The following GRID2 variants were observed in gnomAD, a reference collection of about 807,000 sequenced individuals.
The protein encoded by GRID2 is glutamate receptor ionotropic, delta-2.
A neutral mutation model predicts 114.8 loss-of-function variants in GRID2; 33 were observed. The observed-to-expected ratio is 0.29, with a 90% confidence interval of 0.22 to 0.38. GRID2 has a LOEUF of 0.38. Ranked by LOEUF, GRID2 falls within the 10% of genes least tolerant of loss-of-function variation. The pLI, the probability that GRID2 is intolerant of heterozygous loss-of-function variation, is 1.00. For missense variants in GRID2, 1,184 were observed against 1,257.7 expected (o/e 0.94, Z 0.89); for synonymous variants, 505 against 449.9 (o/e 1.12, Z -1.55).
rs116058032 is a variant in GRID2, at chr4:92,530,526, G to A, written c.89-59605G>A. Among the ~76,000 whole-genome samples, 824 of 101,598 alleles carry A rather than the reference G, an allele frequency of 8.1e-3. 8 individuals are homozygous for A. The highest frequency in any genetic ancestry group is 0.029 in the African/African-American group (737 of 25,146). 66.7% of individuals were successfully genotyped at this position (101,598 alleles called of 152,430 possible). A position where few individuals can be genotyped will look rare whatever the true frequency, so the allele number is the denominator to read the frequency against. ...TAGTACAGAAAAAAAAAAAAAAAAA[G>A]AGAGACTTCCGAGACACGAGAATCA... On this transcript the variant is annotated intron_variant, in intron 1 of 15. Transcript: ENST00000282020.
chr4:93,164,508 C>A (rs1253724941), intron 4 of GRID2, among the ~76,000 whole-genome samples: 2 of 151,964 alleles, frequency 1.3e-5, no homozygotes, highest in Non-Finnish European at 2.9e-5. Flanking sequence ...GAAACAAAAC[C>A]AGGACCTTTA....
chr4:93,012,644 C>A (rs1691517604), intron 2 of GRID2, among the ~76,000 whole-genome samples: 1 of 149,352 alleles, frequency 6.7e-6, no homozygotes, highest in African/African-American at 2.5e-5. Flanking sequence ...AGAGACTGTA[C>A]TAATAAAAAG....
intron 2 of GRID2, among the ~76,000 whole-genome samples, chr4:93,064,766 A>G (rs183604075): frequency 8.4e-4 from 128 of 151,990 alleles, no homozygotes; most frequent in African/African-American, 3.0e-3. Context: ...CTGCATCCCA[A>G]ATAGTTGGTG....
At chr4:92,941,704 T>G (rs1380044849) in intron 2 of GRID2, among the ~76,000 whole-genome samples, 3 of 152,182 alleles carry the variant, frequency 2.0e-5, no homozygotes, top group African/African-American at 7.2e-5. Context: ...TTGTGGGCAT[T>G]GAGTGCTGCA....
At chr4:92,971,826 A>G (rs1351073790) in intron 2 of GRID2, among the ~76,000 whole-genome samples, 1 of 152,058 alleles carries the variant, frequency 6.6e-6, no homozygotes, top group Non-Finnish European at 1.5e-5. Context: ...TTTCACTTAT[A>G]TAATGTCCTC....
rs1339114024 is a variant in GRID2 at position 92,394,535 on chromosome 4, C to T, written c.88+89791C>T. Reference sequence around the variant, plus strand: ...GTTACAATGCTTATATCATTCTCTACTTATATTTTAATTAGAAGAATGTAA... The same window carrying T: ...GTTACAATGCTTATATCATTCTCTATTTATATTTTAATTAGAAGAATGTAA... On this transcript the variant is annotated intron_variant, in intron 1 of 15. Coordinates refer to ENST00000282020, the MANE Select transcript of GRID2 (RefSeq NM_001510.4). Among the ~76,000 whole-genome samples the T allele has an allele frequency of 2.0e-5, 3 of 152,008 alleles. No homozygotes were observed. The East Asian group carries it at 5.8e-4, about 29-fold the overall frequency.
chr4:92,583,793 T>C (rs963111505), intron 1 of GRID2, among the ~76,000 whole-genome samples: 3 of 150,326 alleles, frequency 2.0e-5, no homozygotes, highest in African/African-American at 4.9e-5. Context: ...AATATATATG[T>C]GAGTATGTAA....
intron 14 of GRID2, among the ~76,000 whole-genome samples, chr4:93,728,066 A>T (rs529621997): frequency 1.3e-5 from 2 of 151,960 alleles, no homozygotes; most frequent in African/African-American, 2.4e-5. Context: ...TAGTTCTTTT[A>T]ATTGTGATGT....
chr4:92,345,754 G>T lies in GRID2; in HGVS notation c.88+41010G>T, dbSNP rs367555821. Among the ~76,000 whole-genome samples, 99 of 152,132 alleles carry T rather than the reference G, an allele frequency of 6.5e-4. 1 individual carries two copies. In the South Asian group the frequency reaches 0.012, roughly 18 times the overall value. On this transcript the variant is annotated intron_variant, in intron 1 of 15. Transcript: ENST00000282020. ...TTCTGCTTATTTAAAGATGAAAAAAGCCCCCAATACTTTTTTGACCATCAC... is the reference window on the plus strand; with the variant it reads ...TTCTGCTTATTTAAAGATGAAAAAATCCCCCAATACTTTTTTGACCATCAC...
intron 2 of GRID2, among the ~76,000 whole-genome samples, chr4:92,839,253 C>A (rs976031761): frequency 1.3e-5 from 2 of 151,150 alleles, no homozygotes; most frequent in African/African-American, 4.9e-5. Flanking sequence ...TTATTTCATA[C>A]TGTGTGTTGT....
intron 10 of GRID2, among the ~76,000 whole-genome samples, chr4:93,439,360 G>A (rs1721408271): frequency 1.3e-5 from 2 of 151,992 alleles, no homozygotes; most frequent in African/African-American, 4.8e-5. Flanking sequence ...AGGAAAATGA[G>A]CAGATGGACA....
intron 2 of GRID2, among the ~76,000 whole-genome samples, chr4:92,695,310 CATTTA>C (rs1402625615): frequency 6.6e-5 from 10 of 152,010 alleles, no homozygotes; most frequent in African/African-American, 2.4e-4. Context: ...TTAGAGAACT[CATTTA>C]ATTTTAGTTT....
chr4:92,694,282 A>G (rs1347629832), intron 2 of GRID2, among the ~76,000 whole-genome samples: 3 of 152,122 alleles, frequency 2.0e-5, no homozygotes, highest in Non-Finnish European at 2.9e-5. Flanking sequence ...AAGAAGGTAA[A>G]GGAACACTGC....
At chr4:93,441,308 A>G (rs1721600014) in intron 10 of GRID2, among the ~76,000 whole-genome samples, 1 of 152,084 alleles carries the variant, frequency 6.6e-6, no homozygotes, top group Non-Finnish European at 1.5e-5. Flanking sequence ...TTCTATGGGC[A>G]TAATTGTGAG....
At chr4:93,608,210 A>G (rs1460813909) in intron 13 of GRID2, among the ~76,000 whole-genome samples, 1 of 147,712 alleles carries the variant, frequency 6.8e-6, no homozygotes, top group African/African-American at 2.5e-5. Context: ...CCTTATATGT[A>G]TTACATATGC....
rs182433545 is a variant in GRID2 at position 92,830,906 on chromosome 4, C to T, written c.244+240620C>T. Among the ~76,000 whole-genome samples, 688 of 152,240 alleles carry T rather than the reference C, an allele frequency of 4.5e-3. 2 individuals are homozygous for T. Among genetic ancestry groups the T allele is most frequent in the Non-Finnish European group, 7.4e-3 (501 of 68,020 alleles). ...ACATATCATAGAGCAGTCATCTAAC[C>T]CTTCTCTCAGACAGCCATTCAAGGC... On this transcript the variant is annotated intron_variant, in intron 2 of 15. Transcript: ENST00000282020.
chr4:93,630,614 C>T (rs1348871980), intron 14 of GRID2, among the ~76,000 whole-genome samples: 2 of 152,152 alleles, frequency 1.3e-5, no homozygotes, highest in East Asian at 3.9e-4. Flanking sequence ...CCCAAAGTCA[C>T]AAAAACAATT....
At chr4:93,091,189 A>G (rs898992076) in intron 3 of GRID2, among the ~76,000 whole-genome samples, 1 of 152,078 alleles carries the variant, frequency 6.6e-6, no homozygotes, top group South Asian at 2.1e-4. Flanking sequence ...TTGTTTACCA[A>G]TCCTTGTTTT....
chr4:92,535,341 T>C (rs1015874761), intron 1 of GRID2, among the ~76,000 whole-genome samples: 17 of 152,156 alleles, frequency 1.1e-4, no homozygotes, highest in African/African-American at 3.9e-4. Context: ...ACATTTCTCT[T>C]TGTACTACAA....
Sources: gnomAD v4.1 joint callset for allele counts (sites outside exome capture counted in the v4.1 genomes callset) on GRCh38, gnomAD v4.1.1 for gene constraint, MANE v1.5 for transcripts, NCBI Gene and HGNC (gene_info 2026-07-23, HGNC 2026-07-21) for gene names.